The following STRN3 variants were observed in gnomAD, a reference collection of about 807,000 sequenced individuals.
STRN3 encodes striatin-3.
In STRN3, 29 loss-of-function variants were observed where a neutral mutation model predicts 95.6. That is an observed-to-expected ratio of 0.30 (90% confidence interval 0.23 to 0.41). The LOEUF (loss-of-function observed/expected upper bound fraction) is 0.41, where lower values mean the gene tolerates loss of function less well. Among genes scored for constraint, STRN3 ranks in the 10% least tolerant of loss-of-function variants. The pLI is 1.00. For synonymous variants in STRN3, 331 were observed against 357.6 expected (o/e 0.93, Z 0.84); for missense variants, 890 against 972.1 (o/e 0.92, Z 1.12).
intron 1 of STRN3, among the ~76,000 whole-genome samples, chr14:31,012,404 C>T (rs1018543327): frequency 4.6e-5 from 7 of 152,172 alleles, no homozygotes; most frequent in Non-Finnish European, 1.5e-5. Context: ...TCCACAACTG[C>T]TAACAACTCT....
rs757001835 is a variant in STRN3 at position 31,002,166 on chromosome 14, C to CAAAAAAAAAAAAAAAAAAAAAAAAAAAA, written c.282+23737_282+23738insTTTTTTTTTTTTTTTTTTTTTTTTTTTT. On this transcript the variant is annotated intron_variant, in intron 1 of 17. Transcript: ENST00000357479. ...GGGCAACAAGAGTGAAATTCCATCT[C>CAAAAAAAAAAAAAAAAAAAAAAAAAAAA]AAAAAAAAAAAAAAAAAAAAAACAA... is the stretch of plus-strand genomic sequence containing the variant. Among the ~76,000 whole-genome samples the CAAAAAAAAAAAAAAAAAAAAAAAAAAAA allele has an allele frequency of 1.0e-4, 2 of 19,288 alleles. 1 individual carries two copies. The allele number at this position is 19,288 out of a possible 152,430, so 12.7% of individuals were successfully genotyped here.
rs143246659 is a variant in STRN3, at chr14:31,016,200, C to T, written c.282+9704G>A. Among the ~76,000 whole-genome samples, 150 of 152,266 alleles carry T rather than the reference C, an allele frequency of 9.9e-4. 2 individuals carry two copies. The highest frequency in any genetic ancestry group is 3.5e-3 in the African/African-American group (147 of 41,546). ...TACCATATGATCCAACAATCACACT[C>T]CCTGGTATTTACTCAAATTACATGA... is the stretch of plus-strand genomic sequence containing the variant. On this transcript the variant is annotated intron_variant, in intron 1 of 17. Transcript: ENST00000357479.
rs1268013487 is a variant in STRN3 at position 30,955,639 on chromosome 14, T to C, written c.441A>G (p.Lys147=). The change falls in exon 3 of 18, where the codon AAA becomes AAG. Residue 147 remains lysine, a synonymous_variant. Transcript: ENST00000357479. ...YGTELNQGDL[K]MPTFESEETK... is the part of the protein sequence containing the mutation. Reference sequence around the variant, plus strand: ...GTTTACCTGACTCAAAGGTTGGCATTTTCAAGTCACCTTGGTTCAGTTCCG... The same window carrying C: ...GTTTACCTGACTCAAAGGTTGGCATCTTCAAGTCACCTTGGTTCAGTTCCG... 1 of 1,579,418 alleles carries C rather than the reference T, an allele frequency of 6.3e-7. No individual in the cohort carries two copies. Among genetic ancestry groups the C allele is most frequent in the African/African-American group, 1.4e-5 (1 of 72,134 alleles).
intron 1 of STRN3, among the ~76,000 whole-genome samples, chr14:30,961,418 A>G (rs543295604): frequency 6.6e-6 from 1 of 152,354 alleles, no homozygotes; most frequent in East Asian, 1.9e-4. Context: ...TATGATTATA[A>G]TGGAGCTGAA....
In STRN3 at chr14:30,935,295, C is replaced by G; in HGVS notation, c.856G>C (p.Glu286Gln). The change falls in exon 7 of 18, where the codon GAA becomes CAA. Residue 286 changes from glutamate to glutamine, a missense_variant. Physicochemically the swap from Glu to Gln is conservative, Grantham distance 29 (BLOSUM62 2). This residue lies in a region of STRN3 where 526 missense variants were observed against 526.3 expected (regional missense o/e 1.00). Coordinates refer to ENST00000357479, the MANE Select transcript of STRN3 (RefSeq NM_001083893.2). ...HRMNKHKIGN[E>Q]GLAADLTDDP... ...TCAGTTAGGTCAGCAGCTAAACCTTCATTACCTATCTGTAAATAGAATATA... is the reference window on the plus strand; with the variant it reads ...TCAGTTAGGTCAGCAGCTAAACCTTGATTACCTATCTGTAAATAGAATATA... The G allele has an allele frequency of 6.2e-7, 1 of 1,613,796 alleles. No individual in the cohort carries two copies. Among genetic ancestry groups the G allele is most frequent in the Non-Finnish European group, 8.5e-7 (1 of 1,179,824 alleles).
chr14:30,916,476 C>T (rs997455506), intron 9 of STRN3, among the ~76,000 whole-genome samples: 13 of 151,996 alleles, frequency 8.6e-5, no homozygotes, highest in African/African-American at 3.1e-4. Flanking sequence ...AGGGTTTCAC[C>T]GTGTTAGCCA....
chr14:30,910,980 G>C, intron 13 of STRN3, 61 bp downstream of exon 13: 3 of 1,554,844 alleles, frequency 1.9e-6, no homozygotes, highest in Non-Finnish European at 2.6e-6. Flanking sequence ...TCATATTTGA[G>C]GTATTTACTT....
In STRN3 at chr14:30,911,809, A is replaced by G. The variant is rs757487444; in HGVS notation, c.1566T>C (p.Asp522=). The G allele has an allele frequency of 6.2e-7, 1 of 1,608,222 alleles. No homozygotes were observed. Among genetic ancestry groups the G allele is most frequent in the African/African-American group, 1.3e-5 (1 of 74,438 alleles). ...TVPAKKSASL[D]VEPIYTFRAH... ...CCCTAAATGTGTAGATAGGCTCTAC[A>G]TCTAAAGAGGCACTCCTAAAAGAGG... Residue 522 remains aspartate, a synonymous_variant, in exon 12 of 18, where the codon GAT becomes GAC. Transcript: ENST00000357479.
intron 1 of STRN3, among the ~76,000 whole-genome samples, chr14:30,999,193 G>C (rs995659065): frequency 1.2e-4 from 19 of 152,050 alleles, no homozygotes; most frequent in African/African-American, 4.3e-4. Context: ...ACAGGTGCAT[G>C]TGCCACCATG....
intron 13 of STRN3, among the ~76,000 whole-genome samples, chr14:30,909,059 A>G (rs1233472444): frequency 6.6e-6 from 1 of 152,234 alleles, no homozygotes; most frequent in African/African-American, 2.4e-5. Flanking sequence ...CACATCAAAC[A>G]GGACTGAATG....
At chr14:31,014,385 C>T (rs1883138783) in intron 1 of STRN3, among the ~76,000 whole-genome samples, 1 of 151,878 alleles carries the variant, frequency 6.6e-6, no homozygotes, top group South Asian at 2.1e-4. Context: ...CCACACCCTG[C>T]TAATTTTTGT....
chr14:30,899,166 T>G (rs990091467), intron 16 of STRN3, among the ~76,000 whole-genome samples: 5 of 152,208 alleles, frequency 3.3e-5, no homozygotes, highest in African/African-American at 1.2e-4. Context: ...TCTAGACATT[T>G]TGCTGAATGA....
intron 7 of STRN3, among the ~76,000 whole-genome samples, chr14:30,932,724 T>C (rs1302670853): frequency 2.0e-5 from 3 of 152,192 alleles, no homozygotes; most frequent in East Asian, 1.9e-4. Flanking sequence ...GTACATAATA[T>C]AGAAACTATT....
At chr14:30,918,917 AT>A in intron 9 of STRN3, 48 bp downstream of exon 9, 18 of 1,472,530 alleles carry the variant, frequency 1.2e-5, no homozygotes, top group Non-Finnish European at 1.6e-5. Flanking sequence ...TGTGATTTGG[AT>A]TTAAGGTCTT....
chr14:30,898,282 GGTAA>G (rs1323547811), intron 16 of STRN3, among the ~76,000 whole-genome samples: 3 of 152,092 alleles, frequency 2.0e-5, no homozygotes, highest in Non-Finnish European at 4.4e-5. Flanking sequence ...TAGCCTTGAT[GGTAA>G]GTTTCAATTC....
At chr14:30,982,945 T>A (rs1360072227) in intron 1 of STRN3, among the ~76,000 whole-genome samples, 1 of 152,152 alleles carries the variant, frequency 6.6e-6, no homozygotes, top group African/African-American at 2.4e-5. Context: ...ATGTACCCTT[T>A]AATCTATAAT....
chr14:31,013,899 A>ATTTGAGACAGAGTGTCATTATTATTC, intron 1 of STRN3, among the ~76,000 whole-genome samples: 1 of 119,440 alleles, frequency 8.4e-6, no homozygotes. Flanking sequence ...TATTATTATT[A>ATTTGAGACAGAGTGTCATTATTATTC]TTATTATTAT....
At chr14:30,925,254 A>G (rs1249940235) in intron 8 of STRN3, among the ~76,000 whole-genome samples, 7 of 152,060 alleles carry the variant, frequency 4.6e-5, no homozygotes, top group Admixed American at 2.0e-4. Context: ...GGTAAAAAAA[A>G]GAAGGGTGAG....
At chr14:31,017,407 G>A (rs1883290970) in intron 1 of STRN3, among the ~76,000 whole-genome samples, 1 of 143,884 alleles carries the variant, frequency 7.0e-6, no homozygotes, top group South Asian at 2.2e-4. Context: ...GCTGAGGCAG[G>A]AGAATGGCGT....
Sources: gnomAD v4.1 joint callset for allele counts (sites outside exome capture counted in the v4.1 genomes callset) on GRCh38, gnomAD v4.1.1 for gene constraint, gnomAD v4.1.1 regional missense constraint, MANE v1.5 for transcripts, NCBI Gene and HGNC (gene_info 2026-07-23, HGNC 2026-07-21) for gene names.